Variants in ZFR2 observed in about 807,000 individuals in gnomAD.
The protein encoded by ZFR2 is zinc finger RNA binding protein 2.
ZFR2 carries 104 observed loss-of-function variants against 105.7 expected under a neutral mutation model. The observed-to-expected ratio is 0.98, with a 90% CI of 0.84 to 1.16. The LOEUF (loss-of-function observed/expected upper bound fraction) is 1.16. Ranked by LOEUF, ZFR2 falls within the 50% of genes most tolerant of loss-of-function variation. The probability of loss-of-function intolerance (pLI) is 0.00; values close to 1 mark genes in which losing one functional copy is unlikely to be tolerated. For missense variants in ZFR2, 1,425 were observed against 1,355.5 expected, an observed-to-expected ratio of 1.05 and a Z score of -0.80; for synonymous variants, 634 against 597.7, an observed-to-expected ratio of 1.06 and a Z score of -0.89.
chr19:3,868,401 G>C (rs940775698), intron 1 of ZFR2, among the ~76,000 whole-genome samples: 1 of 146,996 alleles, frequency 6.8e-6, no homozygotes, highest in Non-Finnish European at 1.5e-5. Context: ...ATGCCCCTCT[G>C]CCCTTCCCCT....
chr19:3,826,865 G>A (rs1284730892), intron 6 of ZFR2, among the ~76,000 whole-genome samples: 2 of 152,232 alleles, frequency 1.3e-5, no homozygotes, highest in African/African-American at 4.8e-5. Context: ...CACCACGCCC[G>A]AATGCCAAGC....
chr19:3,817,325 G>C (rs767471372), intron 12 of ZFR2, among the ~76,000 whole-genome samples: 2 of 151,970 alleles, frequency 1.3e-5, no homozygotes, highest in Admixed American at 1.3e-4. Flanking sequence ...TTGGGAGGCC[G>C]AGGTGGGCAG....
In ZFR2 at chr19:3,852,277, T is replaced by C. The variant is rs552024896; in HGVS notation, c.53+16688A>G. ...GCCAGATGGGGCTCAGCTGGGTGGC[T>C]CTCCTGGCTGAGGTGGGGTTCAGCT... On this transcript the variant is annotated intron_variant, in intron 1 of 18. Coordinates refer to ENST00000262961, the MANE Select transcript of ZFR2 (RefSeq NM_015174.2). The C allele has an allele frequency of 2.7e-5, 16 of 601,880 alleles. No individual in the cohort carries two copies. In the South Asian group the frequency reaches 3.2e-4, roughly 12 times the overall value. 37.3% of individuals were successfully genotyped at this position (601,880 alleles called of 1,614,324 possible).
Position 3,813,682 on chromosome 19 carries a change from G to T in ZFR2, c.2242+138C>A, listed in dbSNP as rs2037795331. 1 of 1,245,488 alleles carries T rather than the reference G, an allele frequency of 8.0e-7. No homozygotes were observed. Among genetic ancestry groups the T allele is most frequent in the Non-Finnish European group, 1.1e-6 (1 of 902,148 alleles). 77.2% of individuals were successfully genotyped at this position (1,245,488 alleles called of 1,614,324 possible). ...TGTGTGACCCATGGAATCCTCAGGGGGACAGCAGTGCTGGAGCGTGGCTGC... is the reference window on the plus strand; with the variant it reads ...TGTGTGACCCATGGAATCCTCAGGGTGACAGCAGTGCTGGAGCGTGGCTGC... On this transcript the variant is annotated intron_variant, in intron 14 of 18. Coordinates refer to ENST00000262961, the MANE Select transcript of ZFR2 (RefSeq NM_015174.2). This position sits in a 1 kb window ranked among gnomAD's most constrained non-coding sequence, Gnocchi z 4.4.
chr19:3,807,639 G>C (rs904349082), intron 17 of ZFR2, among the ~76,000 whole-genome samples: 6 of 152,042 alleles, frequency 3.9e-5, no homozygotes. Flanking sequence ...ATGTGTGCCT[G>C]TGTGTGCATG....
In ZFR2 at chr19:3,834,679, G is replaced by A. The variant is rs921790558; in HGVS notation, c.264+94C>T. ...AGGAAGGATCACGGTTAAGAGGCCTGGGAGAAGGAGTAGCTGTGGGAAGCC... is the reference window on the plus strand; with the variant it reads ...AGGAAGGATCACGGTTAAGAGGCCTAGGAGAAGGAGTAGCTGTGGGAAGCC... On this transcript the variant is annotated intron_variant, in intron 2 of 18. Transcript: ENST00000262961. This position sits in a 1 kb window ranked among gnomAD's most constrained non-coding sequence, Gnocchi z 5.3. 13 of 1,308,388 alleles carry A rather than the reference G, an allele frequency of 9.9e-6. No homozygotes were observed. Among genetic ancestry groups the A allele is most frequent in the Non-Finnish European group, 1.4e-5 (13 of 932,746 alleles). 81.0% of individuals were successfully genotyped at this position (1,308,388 alleles called of 1,614,324 possible).
intron 1 of ZFR2, among the ~76,000 whole-genome samples, chr19:3,848,500 CAA>C (rs1456543621): frequency 6.6e-6 from 1 of 151,166 alleles, no homozygotes; most frequent in Non-Finnish European, 1.5e-5. Context: ...CTCTTGAGCC[CAA>C]GAGTTTAAGA....
At chr19:3,830,724 C>A (rs2038002679) in intron 5 of ZFR2, among the ~76,000 whole-genome samples, 1 of 152,000 alleles carries the variant, frequency 6.6e-6, no homozygotes, top group African/African-American at 2.4e-5. Context: ...AAAAGAAGAT[C>A]AGGGTGTGTG....
intron 13 of ZFR2, among the ~76,000 whole-genome samples, chr19:3,816,243 CTT>C (rs58609703): frequency 1.8e-4 from 21 of 115,056 alleles, no homozygotes; most frequent in African/African-American, 2.0e-4. Context: ...CTTCTTGTAT[CTT>C]TTTTTTTTTT....
In ZFR2 at chr19:3,806,451, A is replaced by G. The variant is rs372778020; in HGVS notation, c.2644-326T>C. Among the ~76,000 whole-genome samples the G allele has an allele frequency of 6.2e-3, 941 of 152,304 alleles. 10 individuals are homozygous for G. The highest frequency in any genetic ancestry group is 0.021 in the African/African-American group (877 of 41,584). ...CTAATTTTGTATTTTTAGTAGAGAC[A>G]GGGTTTCACCATGTTGGCCAGGCTG... On this transcript the variant is annotated intron_variant, in intron 18 of 18. Coordinates refer to ENST00000262961, the MANE Select transcript of ZFR2 (RefSeq NM_015174.2).
chr19:3,868,778 C>T (rs1361630561), intron 1 of ZFR2, among the ~76,000 whole-genome samples, 187 bp downstream of exon 1: 1 of 152,174 alleles, frequency 6.6e-6, no homozygotes, highest in African/African-American at 2.4e-5. Context: ...CGCATCCCGC[C>T]CGGTGCCTAA....
Position 3,861,115 on chromosome 19 carries a change from C to G in ZFR2, c.53+7850G>C, listed in dbSNP as rs570083886. Among the ~76,000 whole-genome samples, 4 of 152,302 alleles carry G rather than the reference C, an allele frequency of 2.6e-5. No individual in the cohort carries two copies. In the East Asian group the frequency reaches 7.7e-4, roughly 29 times the overall value. On this transcript the variant is annotated intron_variant, in intron 1 of 18. Coordinates refer to ENST00000262961, the MANE Select transcript of ZFR2 (RefSeq NM_015174.2). ...GGCAGGACTGGCCTTCCCAGATCCA[C>G]AATGCCGCGGAAGCAGAGCCATGCC... is the stretch of plus-strand genomic sequence containing the variant.
At chr19:3,842,743 C>A (rs962644210) in intron 1 of ZFR2, among the ~76,000 whole-genome samples, 1 of 151,860 alleles carries the variant, frequency 6.6e-6, no homozygotes, top group African/African-American at 2.4e-5. Flanking sequence ...CCTGCCTCAG[C>A]CTGTCGAGTA....
At chr19:3,840,287 G>C (rs1043215955) in intron 1 of ZFR2, among the ~76,000 whole-genome samples, 1 of 151,942 alleles carries the variant, frequency 6.6e-6, no homozygotes, top group African/African-American at 2.4e-5. Context: ...GCCCAGGCTG[G>C]AGTGAAATGG....
intron 13 of ZFR2, 129 bp from the exon 14 acceptor site, chr19:3,814,087 G>C (rs2037800710): frequency 1.4e-6 from 2 of 1,392,994 alleles, no homozygotes; most frequent in African/African-American, 1.4e-5. Flanking sequence ...CTGGGTGCCG[G>C]GCCCTGTGCC....
intron 1 of ZFR2, among the ~76,000 whole-genome samples, chr19:3,863,695 C>T (rs545305802): frequency 6.6e-6 from 1 of 152,190 alleles, no homozygotes; most frequent in Non-Finnish European, 1.5e-5. Flanking sequence ...ATGGCAATAA[C>T]ACAGTCTCTA....
rs968111129 is a variant in ZFR2, at chr19:3,823,181, G to A, written c.1371+65C>T. The A allele has an allele frequency of 1.2e-5, 20 of 1,608,256 alleles. No individual in the cohort carries two copies. The highest frequency in any genetic ancestry group is 2.2e-5 in the East Asian group (1 of 44,860). ...GCTGGGAGAAGCCGGGTGAGGTCTC[G>A]AAGCCTGATCCATGGGAAGGTCCTT... On this transcript the variant is annotated intron_variant, in intron 8 of 18. Coordinates refer to ENST00000262961, the MANE Select transcript of ZFR2 (RefSeq NM_015174.2). This position sits in a 1 kb window ranked among gnomAD's most constrained non-coding sequence, Gnocchi z 5.4.
intron 12 of ZFR2, 136 bp downstream of exon 12, chr19:3,818,909 G>A (rs904120860): frequency 9.0e-7 from 1 of 1,108,832 alleles, no homozygotes. Context: ...TCCTACTCCT[G>A]GGGCTGGAAA....
At chr19:3,868,883 G>A (rs1218177402) in intron 1 of ZFR2, 82 bp downstream of exon 1, 6 of 1,127,240 alleles carry the variant, frequency 5.3e-6, no homozygotes, top group Non-Finnish European at 4.5e-6. Flanking sequence ...CCGGGCGCAC[G>A]CGGCGGGAGA....
Sources: allele counts gnomAD v4.1 joint callset (sites outside exome capture counted in the v4.1 genomes callset), GRCh38; gene constraint gnomAD v4.1.1; non-coding constraint Gnocchi (gnomAD v3.1); transcripts MANE v1.5; gene names NCBI Gene and HGNC (gene_info 2026-07-23, HGNC 2026-07-21).